Variants in LRRC9 observed in about 807,000 individuals in gnomAD.
LRRC9 encodes leucine rich repeat containing 9.
A neutral mutation model predicts 63.2 loss-of-function variants in LRRC9; 122 were observed. The observed-to-expected ratio is 1.93, with a 90% CI of 1.67 to 2.24. LRRC9 has a LOEUF of 2.24. Ranked by LOEUF, LRRC9 falls within the 30% of genes most tolerant of loss-of-function variation. The probability of loss-of-function intolerance (pLI) is 0.00; values close to 1 mark genes in which losing one functional copy is unlikely to be tolerated. For missense variants in LRRC9, 1,071 were observed against 627.7 expected (o/e 1.71, Z -7.55); for synonymous variants, 366 against 213.1 (o/e 1.72, Z -6.25).
rs921121916 is a variant in LRRC9 at position 59,958,284 on chromosome 14, G to A, written c.883-1534G>A. Among the ~76,000 whole-genome samples, 3 of 152,176 alleles carry A rather than the reference G, an allele frequency of 2.0e-5. No individual in the cohort carries two copies. Among genetic ancestry groups the A allele is most frequent in the Non-Finnish European group, 2.9e-5 (2 of 68,026 alleles). ...CAGGTGCTCTGTCCCAGGGAAGTGG[G>A]GTTTTTGTGTGTAAACCCCTTACTG... On this transcript the variant is annotated intron_variant, in intron 8 of 31. Coordinates refer to ENST00000445360, the Ensembl canonical transcript of LRRC9. This position sits in a 1 kb window ranked among gnomAD's most constrained non-coding sequence, Gnocchi z 4.0.
chr14:60,037,007 C>T (rs1022231952), intron 29 of LRRC9, among the ~76,000 whole-genome samples: 24 of 152,076 alleles, frequency 1.6e-4, no homozygotes, highest in African/African-American at 5.8e-4. Context: ...TGAGTGAGAA[C>T]ATGTGGTGTT....
chr14:60,059,933 A>G (rs904044895), intron 31 of LRRC9, among the ~76,000 whole-genome samples: 11 of 152,250 alleles, frequency 7.2e-5, no homozygotes, highest in Non-Finnish European at 1.3e-4. Context: ...TTATATCAGA[A>G]GAAGATGCCA....
chr14:59,986,428 T>G lies in LRRC9; in HGVS notation c.2211+1204T>G, dbSNP rs754260906. Among the ~76,000 whole-genome samples, 1 of 152,196 alleles carries G rather than the reference T, an allele frequency of 6.6e-6. No individual in the cohort carries two copies. Among genetic ancestry groups the G allele is most frequent in the Non-Finnish European group, 1.5e-5 (1 of 68,008 alleles). The stretch of plus-strand genomic sequence containing the variant: ...TAATGGGAGCTGTTTCTTTTACTTA[T>G]TGGCATTAGGTTTAGATTTAGTGTT... On this transcript the variant is annotated intron_variant, in intron 17 of 31. Transcript: ENST00000445360. This position sits in a 1 kb window ranked among gnomAD's most constrained non-coding sequence, Gnocchi z 4.7.
chr14:59,960,041 T>A, intron 9 of LRRC9, 27 bp downstream of exon 9: 1 of 626,246 alleles, frequency 1.6e-6, no homozygotes, highest in Non-Finnish European at 2.9e-6. Flanking sequence ...ATCTAGTTGT[T>A]CTGATCTGAA....
chr14:59,957,396 C>G (rs1342885510), intron 8 of LRRC9, among the ~76,000 whole-genome samples: 2 of 151,940 alleles, frequency 1.3e-5, no homozygotes, highest in African/African-American at 4.8e-5. Flanking sequence ...TCTCTGATAT[C>G]CTTTATTCTG....
In LRRC9 at chr14:60,060,695, C is replaced by T. The variant is rs993691174; in HGVS notation, c.4277-2628C>T. 7.9e-5 allele frequency among the ~76,000 whole-genome samples: 12 copies of T among 152,074 alleles called. No individual in the cohort carries two copies. The highest frequency in any genetic ancestry group is 2.9e-4 in the African/African-American group (12 of 41,410). On this transcript the variant is annotated intron_variant, in intron 31 of 31. Transcript: ENST00000445360. The surrounding 1 kb of genome is among the most constrained non-coding windows in gnomAD (Gnocchi z 4.0). ...GGCGGAGCTTGCAGTGAACCGAGAT[C>T]GCGCCACTGCTCTCCAGCCTGGGTG...
At chr14:60,019,810 T>C (rs1159741875) in intron 26 of LRRC9, among the ~76,000 whole-genome samples, 3 of 151,280 alleles carry the variant, frequency 2.0e-5, no homozygotes, top group African/African-American at 4.8e-5. Flanking sequence ...ACAAACCTTC[T>C]ACCTCCTTAC....
chr14:60,022,930 TTC>T (rs1442230536), intron 27 of LRRC9, 60 bp downstream of exon 27: 6 of 445,488 alleles, frequency 1.3e-5, no homozygotes, highest in African/African-American at 6.1e-5. Context: ...TTTATCATCA[TTC>T]TGTTTTGATA....
chr14:59,921,023 A>C (rs6573288), intron 1 of LRRC9, among the ~76,000 whole-genome samples: 34,414 of 152,168 alleles, frequency 0.23, 4,332 homozygotes, highest in East Asian at 0.5. Context: ...CCCTAACCAG[A>C]ATCACAAGAA....
At position 60,042,479 on chromosome 14, in the gene LRRC9, C is replaced by T. The variant is rs1276297674; in HGVS notation, c.3990+10416C>T. 8.5e-5 allele frequency among the ~76,000 whole-genome samples: 13 copies of T among 152,224 alleles called. No homozygotes were observed. Among genetic ancestry groups the T allele is most frequent in the Admixed American group, 7.2e-4 (11 of 15,284 alleles). On this transcript the variant is annotated intron_variant, in intron 29 of 31. Coordinates refer to ENST00000445360, the Ensembl canonical transcript of LRRC9. The surrounding 1 kb of genome is among the most constrained non-coding windows in gnomAD (Gnocchi z 4.2). ...TGCCCCTCCCCTAGCCTCGCTGCTG[C>T]CTTGCAGTTCGATCTCAGACTGCTG...
chr14:60,040,519 C>G, intron 29 of LRRC9, among the ~76,000 whole-genome samples: 1 of 151,778 alleles, frequency 6.6e-6, no homozygotes, highest in East Asian at 1.9e-4. Context: ...ATATAATGGC[C>G]TTCTTTGTCT....
At chr14:60,057,607 G>A (rs900801042) in intron 30 of LRRC9, 9 of 208,356 alleles carry the variant, frequency 4.3e-5, no homozygotes, top group African/African-American at 1.2e-4. Context: ...TGGAAAGGGC[G>A]AGTTGCCATT....
intron 27 of LRRC9, among the ~76,000 whole-genome samples, chr14:60,024,831 TC>T (rs1891399276): frequency 6.6e-6 from 1 of 151,684 alleles, no homozygotes; most frequent in South Asian, 2.1e-4. Context: ...CCTCCCATTC[TC>T]CCCCTTTTTG....
chr14:60,061,321 G>A (rs309005), intron 31 of LRRC9, among the ~76,000 whole-genome samples: 128,891 of 152,196 alleles, frequency 0.85, 55,057 homozygotes, highest in Non-Finnish European at 0.9. Context: ...CAGCCACCCC[G>A]GCCTTCAGCA....
rs188370364 is a variant in LRRC9, at chr14:60,038,625, C to A, written c.3990+6562C>A. Among the ~76,000 whole-genome samples, 402 of 152,142 alleles carry A rather than the reference C, an allele frequency of 2.6e-3. 19 individuals are homozygous for A. In the East Asian group the frequency reaches 0.07, roughly 26 times the overall value. Reference sequence around the variant, plus strand: ...TTTTGCACATTGATTTTGTATCCTGCGACTTTGCTGAAGTTGCTTATCAGC... The same window carrying A: ...TTTTGCACATTGATTTTGTATCCTGAGACTTTGCTGAAGTTGCTTATCAGC... On this transcript the variant is annotated intron_variant, in intron 29 of 31. Transcript: ENST00000445360.
intron 15 of LRRC9, 130 bp from the exon 16 acceptor site, chr14:59,981,718 G>A: frequency 1.6e-6 from 1 of 607,324 alleles, no homozygotes; most frequent in Non-Finnish European, 2.9e-6. Context: ...ATGTCCTAAT[G>A]TGATTCTGAT....
rs1253759465 is a variant in LRRC9 at position 59,979,762 on chromosome 14, A to AC, written c.1878+1630_1878+1631insC. On this transcript the variant is annotated intron_variant, in intron 15 of 31. Transcript: ENST00000445360. ...TGTTCTCACTCATAGGTGGGAATTGAACAATGAGAACACATGGACACAGGC... is the reference window on the plus strand; with the variant it reads ...TGTTCTCACTCATAGGTGGGAATTGACACAATGAGAACACATGGACACAGGC... 2.1e-5 allele frequency among the ~76,000 whole-genome samples: 3 copies of AC among 146,018 alleles called. No individual in the cohort carries two copies. The Admixed American group carries it at 2.1e-4, about 10-fold the overall frequency.
chr14:59,986,956 A>G lies in LRRC9; in HGVS notation c.2211+1732A>G, dbSNP rs561610833. ...CTAAAAATGACTCTAAGGATATTAG[A>G]GGTGGCCAGAGAGAGGAGAAACTCT... is the stretch of plus-strand genomic sequence containing the variant. On this transcript the variant is annotated intron_variant, in intron 17 of 31. Coordinates refer to ENST00000445360, the Ensembl canonical transcript of LRRC9. The surrounding 1 kb of genome is among the most constrained non-coding windows in gnomAD (Gnocchi z 4.7). 6.6e-6 allele frequency among the ~76,000 whole-genome samples: 1 copy of G among 152,302 alleles called. No homozygotes were observed. The highest frequency in any genetic ancestry group is 6.5e-5 in the Admixed American group (1 of 15,292).
At chr14:59,945,225 G>A (rs1367652642) in intron 8 of LRRC9, among the ~76,000 whole-genome samples, 1 of 151,508 alleles carries the variant, frequency 6.6e-6, no homozygotes, top group Admixed American at 6.6e-5. Flanking sequence ...TATGTTAGTA[G>A]TATGTATGCA....
Sources: allele counts gnomAD v4.1 joint callset (sites outside exome capture counted in the v4.1 genomes callset), GRCh38; gene constraint gnomAD v4.1.1; non-coding constraint Gnocchi (gnomAD v3.1); transcripts MANE v1.5; gene names NCBI Gene and HGNC (gene_info 2026-07-23, HGNC 2026-07-21).